Variants in DSCAML1 observed in about 807,000 individuals in gnomAD.
DSCAML1 encodes the protein DS cell adhesion molecule like 1.
DSCAML1 carries 38 observed loss-of-function variants against 200.5 expected under a neutral mutation model. The ratio of observed to expected loss-of-function variants is 0.19; its 90% CI spans 0.15 to 0.25. The LOEUF is 0.25. Ranked by LOEUF, DSCAML1 falls within the 10% of genes least tolerant of loss-of-function variation. The pLI, the probability that DSCAML1 is intolerant of heterozygous loss-of-function variation, is 1.00. For missense variants in DSCAML1, 2,223 were observed against 2,858.8 expected, an observed-to-expected ratio of 0.78 and a Z score of 5.07; for synonymous variants, 1,215 against 1,165.0, an observed-to-expected ratio of 1.04 and a Z score of -0.87.
chr11:117,739,796 TG>T (rs201767596), intron 3 of DSCAML1, among the ~76,000 whole-genome samples: 13,444 of 152,190 alleles, frequency 0.088, 1,099 homozygotes, highest in African/African-American at 0.21. Context: ...GTAGCTGCAA[TG>T]GGCAAATCTG....
chr11:117,516,864 G>T lies in DSCAML1; in HGVS notation c.1511-125C>A. ...TCGGCCCCTGAGACTTTCGGGGGCG[G>T]ACATTTGGTGGGGGCACAGGGATGC... On this transcript the variant is annotated intron_variant, in intron 7 of 32. Transcript: ENST00000651296. This position sits in a 1 kb window ranked among gnomAD's most constrained non-coding sequence, Gnocchi z 5.7. 8.3e-7 allele frequency: 1 copy of T among 1,208,148 alleles called. No homozygotes were observed. The highest frequency in any genetic ancestry group is 1.1e-6 in the Non-Finnish European group (1 of 884,582). 74.8% of individuals were successfully genotyped at this position (1,208,148 alleles called of 1,614,324 possible).
intron 11 of DSCAML1, among the ~76,000 whole-genome samples, chr11:117,485,427 C>T (rs532545589): frequency 6.6e-6 from 1 of 152,324 alleles, no homozygotes; most frequent in East Asian, 1.9e-4. Context: ...TAGCTCAGGG[C>T]TAGTTCAGGG....
At chr11:117,471,302 G>C (rs995993235) in intron 15 of DSCAML1, among the ~76,000 whole-genome samples, 3 of 151,998 alleles carry the variant, frequency 2.0e-5, no homozygotes, top group African/African-American at 7.3e-5. Context: ...CTCCTGATTA[G>C]CTGGAACTAC....
intron 14 of DSCAML1, among the ~76,000 whole-genome samples, chr11:117,479,462 C>T (rs1364594634): frequency 1.3e-5 from 2 of 152,212 alleles, no homozygotes; most frequent in Non-Finnish European, 2.9e-5. Flanking sequence ...TCTCACCCTG[C>T]TGTGAAGCCA....
At chr11:117,708,185 C>T (rs1450693986) in intron 3 of DSCAML1, among the ~76,000 whole-genome samples, 7 of 152,304 alleles carry the variant, frequency 4.6e-5, no homozygotes, top group African/African-American at 9.6e-5. Context: ...CAAGGAGACT[C>T]GGGCTGAAGG....
intron 19 of DSCAML1, among the ~76,000 whole-genome samples, chr11:117,451,905 C>T (rs961714083): frequency 1.1e-4 from 17 of 152,134 alleles, no homozygotes; most frequent in Non-Finnish European, 2.4e-4. Context: ...TGCATTCTGT[C>T]TCTAACTCTC....
intron 3 of DSCAML1, among the ~76,000 whole-genome samples, chr11:117,675,017 G>A (rs2053182310): frequency 6.6e-6 from 1 of 152,138 alleles, no homozygotes; most frequent in Admixed American, 6.5e-5. Flanking sequence ...CGCTGCCTGG[G>A]CTCAAATCCT....
intron 3 of DSCAML1, among the ~76,000 whole-genome samples, chr11:117,726,660 C>A (rs948103): frequency 0.91 from 139,166 of 152,128 alleles, 64,247 homozygotes; most frequent in South Asian, 0.99. Flanking sequence ...ATCTAGTGTT[C>A]AAGCCATCTG....
chr11:117,654,299 T>A (rs921098090), intron 3 of DSCAML1, among the ~76,000 whole-genome samples: 2 of 152,186 alleles, frequency 1.3e-5, no homozygotes, highest in African/African-American at 2.4e-5. Context: ...TCTGTGAGTA[T>A]ACTAAAGATC....
At chr11:117,577,409 C>G (rs1427301551) in intron 3 of DSCAML1, among the ~76,000 whole-genome samples, 1 of 110,574 alleles carries the variant, frequency 9.0e-6, no homozygotes, top group African/African-American at 3.3e-5. Context: ...CCCTCCCTCC[C>G]TCCTTTCCTC....
At chr11:117,653,802 C>T (rs1014451783) in intron 3 of DSCAML1, among the ~76,000 whole-genome samples, 1 of 152,190 alleles carries the variant, frequency 6.6e-6, no homozygotes, top group South Asian at 2.1e-4. Flanking sequence ...GGAGAAACAA[C>T]CAAAATGTCC....
intron 27 of DSCAML1, 38 bp from the exon 28 acceptor site, chr11:117,433,509 A>G: frequency 6.2e-7 from 1 of 1,606,744 alleles, no homozygotes; most frequent in African/African-American, 1.3e-5. Flanking sequence ...CTGGGTGAGA[A>G]TGAAGTTTGA....
chr11:117,627,510 T>TTCCCCTGAGC (rs1292593854), intron 3 of DSCAML1, among the ~76,000 whole-genome samples: 1 of 151,960 alleles, frequency 6.6e-6, no homozygotes, highest in African/African-American at 2.4e-5. Context: ...ATCACCACAC[T>TTCCCCTGAGC]CGTGCCTTCC....
chr11:117,543,783 C>G lies in DSCAML1; in HGVS notation c.512-11261G>C, dbSNP rs1207702251. On this transcript the variant is annotated intron_variant, in intron 3 of 32. Transcript: ENST00000651296. ...GAAAGGCTGTTGTGATGTATATGCA[C>G]TGCATGCTTATAGGGCAGTTTTTTT... Among the ~76,000 whole-genome samples the G allele has an allele frequency of 2.0e-5, 3 of 148,200 alleles. No homozygotes were observed. In the Admixed American group the frequency reaches 2.1e-4, roughly 10 times the overall value.
chr11:117,706,878 T>G (rs1460622272), intron 3 of DSCAML1, among the ~76,000 whole-genome samples: 1 of 152,204 alleles, frequency 6.6e-6, no homozygotes, highest in Non-Finnish European at 1.5e-5. Context: ...TTAACAGCCC[T>G]GGCTTTAGAC....
chr11:117,626,474 G>A (rs1019568572), intron 3 of DSCAML1, among the ~76,000 whole-genome samples: 4 of 152,268 alleles, frequency 2.6e-5, no homozygotes, highest in South Asian at 2.1e-4. Flanking sequence ...GTGGGGCAAA[G>A]TTAGATGAGT....
At chr11:117,731,735 C>G (rs2054223503) in intron 3 of DSCAML1, among the ~76,000 whole-genome samples, 1 of 152,188 alleles carries the variant, frequency 6.6e-6, no homozygotes. Flanking sequence ...CTTTTAAGTT[C>G]CTTTAGAGCA....
rs190172769 is a variant in DSCAML1 at position 117,521,280 on chromosome 11, C to T, written c.1063G>A (p.Val355Met). Residue 355 changes from valine (V) to methionine (M), a missense_variant, in exon 6 of 33, where the codon GTG becomes ATG. Coordinates refer to ENST00000651296, the MANE Select transcript of DSCAML1 (RefSeq NM_020693.4). ...TIRWYRNTELVLPDEAISIRG... is the reference protein window; with the variant it reads ...TIRWYRNTELMLPDEAISIRG... ...ATGGAGATGGCCTCGTCAGGCAGCA[C>T]CAGCTCCGTGTTGCGATACCAGCGG... is the stretch of plus-strand genomic sequence containing the variant. The T allele has an allele frequency of 6.2e-7, 1 of 1,614,214 alleles. No homozygotes were observed. The highest frequency in any genetic ancestry group is 1.7e-5 in the Admixed American group (1 of 60,036).
chr11:117,688,480 G>A (rs2053443195), intron 3 of DSCAML1, among the ~76,000 whole-genome samples: 1 of 152,206 alleles, frequency 6.6e-6, no homozygotes, highest in Non-Finnish European at 1.5e-5. Context: ...CATCATCCAG[G>A]CAGGGAGAAG....
Sources: gnomAD v4.1 joint callset for allele counts (sites outside exome capture counted in the v4.1 genomes callset) on GRCh38, gnomAD v4.1.1 for gene constraint, Gnocchi (gnomAD v3.1) non-coding constraint, MANE v1.5 for transcripts, NCBI Gene and HGNC (gene_info 2026-07-23, HGNC 2026-07-21) for gene names.